WDPCP: variants seen among roughly 807,000 people sequenced by gnomAD.
WDPCP encodes WD repeat-containing and planar cell polarity effector protein fritz homolog.
In WDPCP, 71 loss-of-function variants were observed where a neutral mutation model predicts 93.1. That is an observed-to-expected ratio of 0.76 (90% CI 0.63 to 0.93). WDPCP has a LOEUF of 0.93. Among genes scored for constraint, WDPCP ranks in the 40% least tolerant of loss-of-function variants. WDPCP has a pLI of 0.00. For synonymous variants in WDPCP, 315 were observed against 315.0 expected (o/e 1.00, Z 0.00); for missense variants, 844 against 887.4 (o/e 0.95, Z 0.62).
chr2:63,601,064 A>G (rs1019282886), intron 3 of WDPCP, among the ~76,000 whole-genome samples: 4 of 152,232 alleles, frequency 2.6e-5, no homozygotes, highest in African/African-American at 9.6e-5. Flanking sequence ...TCAAGTCTGA[A>G]TGAGCAAAGA....
intron 2 of WDPCP, among the ~76,000 whole-genome samples, chr2:63,700,450 GGTGA>G (rs986275267): frequency 6.6e-6 from 1 of 152,086 alleles, no homozygotes; most frequent in Non-Finnish European, 1.5e-5. Context: ...GCACAGACAT[GGTGA>G]GTGAGAGAGG....
chr2:63,670,215 G>C (rs911707833), intron 2 of WDPCP, among the ~76,000 whole-genome samples: 1 of 152,142 alleles, frequency 6.6e-6, no homozygotes, highest in African/African-American at 2.4e-5. Flanking sequence ...CTTCCAGAGA[G>C]CTCTTTCAAG....
chr2:63,652,850 T>A (rs1869700), intron 2 of WDPCP, among the ~76,000 whole-genome samples: 47,023 of 151,938 alleles, frequency 0.31, 8,094 homozygotes, highest in East Asian at 0.72. Flanking sequence ...ATGGATGCAA[T>A]CCCAGATAAG....
At chr2:63,448,437 AACAC>A (rs35247066) in intron 6 of WDPCP, among the ~76,000 whole-genome samples, 115,324 of 148,660 alleles carry the variant, frequency 0.78, 44,930 homozygotes, top group East Asian at 0.95. Flanking sequence ...AAAATACATC[AACAC>A]ACACACACAC....
At chr2:63,292,563 G>A (rs1349951020) in intron 13 of WDPCP, among the ~76,000 whole-genome samples, 1 of 152,124 alleles carries the variant, frequency 6.6e-6, no homozygotes, top group African/African-American at 2.4e-5. Context: ...TCACAGCAGT[G>A]GCTTTTTGCT....
At chr2:63,663,208 T>C (rs1489973263) in intron 2 of WDPCP, among the ~76,000 whole-genome samples, 3 of 152,220 alleles carry the variant, frequency 2.0e-5, no homozygotes, top group Non-Finnish European at 4.4e-5. Context: ...AATTGGTAGC[T>C]TCCCTGTACC....
At chr2:63,574,961 T>C (rs1401118928) in intron 1 of WDPCP, among the ~76,000 whole-genome samples, 2 of 152,206 alleles carry the variant, frequency 1.3e-5, no homozygotes, top group African/African-American at 2.4e-5. Flanking sequence ...TTGAGTTAAA[T>C]ATAATCTTTG....
intron 1 of WDPCP, among the ~76,000 whole-genome samples, chr2:63,533,740 GC>G (rs1240038598): frequency 1.3e-5 from 2 of 152,100 alleles, no homozygotes; most frequent in African/African-American, 4.8e-5. Flanking sequence ...AGCACTAAAT[GC>G]CCACAAGAGA....
chr2:63,782,681 G>A (rs1172567218), intron 2 of WDPCP, among the ~76,000 whole-genome samples: 1 of 151,896 alleles, frequency 6.6e-6, no homozygotes, highest in African/African-American at 2.4e-5. Context: ...AATAATGAAT[G>A]TTGGCAAAGG....
intron 17 of WDPCP, among the ~76,000 whole-genome samples, chr2:63,148,567 T>C (rs1405923566): frequency 1.3e-5 from 2 of 152,060 alleles, no homozygotes; most frequent in Non-Finnish European, 2.9e-5. Flanking sequence ...TTCACCAGGC[T>C]GGTCTTGAAT....
chr2:63,258,664 T>C (rs1198652433), intron 14 of WDPCP, among the ~76,000 whole-genome samples: 1 of 152,190 alleles, frequency 6.6e-6, no homozygotes, highest in African/African-American at 2.4e-5. Context: ...GAAAAGGAAT[T>C]GGATTTGTAA....
upstream of WDPCP, chr2:63,589,004 C>G: frequency 6.2e-7 from 1 of 1,614,194 alleles, no homozygotes; most frequent in Non-Finnish European, 8.5e-7. Context: ...CTCTGAGGCT[C>G]ATTTTGCAGT....
rs543252554 is a variant in WDPCP, at chr2:63,599,238, C to T, written n.488+51421G>A. 1.9e-5 allele frequency: 31 copies of T among 1,613,714 alleles called. No individual in the cohort carries two copies. In the South Asian group the frequency reaches 3.2e-4, roughly 17 times the overall value. On this transcript the variant is annotated intron_variant and non_coding_transcript_variant, in intron 3 of 4. Transcript: ENST00000467687. ...CTTCCAAGTCAGCTCCATCCATCCC[C>T]AAGGAGAACTTCAGTTGCTTGACTC... is the stretch of plus-strand genomic sequence containing the variant.
At chr2:63,348,098 A>G (rs763404209) in intron 12 of WDPCP, among the ~76,000 whole-genome samples, 12 of 152,200 alleles carry the variant, frequency 7.9e-5, no homozygotes, top group Non-Finnish European at 1.6e-4. Context: ...TCACTTACAA[A>G]GTACTTAATA....
intron 13 of WDPCP, among the ~76,000 whole-genome samples, chr2:63,262,735 G>A (rs1681755736): frequency 6.6e-6 from 1 of 151,912 alleles, no homozygotes; most frequent in South Asian, 2.1e-4. Context: ...TTTCTCCCCT[G>A]TATTTTAAAA....
chr2:63,602,934 C>CTTTTTTTTTTTTTTTTTTTTTTTTTT (rs370479356), intron 3 of WDPCP, among the ~76,000 whole-genome samples: 2 of 131,536 alleles, frequency 1.5e-5, no homozygotes, highest in African/African-American at 2.7e-5. Context: ...TTTAACCGTT[C>CTTTTTTTTTTTTTTTTTTTTTTTTTT]TTTTTTTTTT....
chr2:63,438,147 A>T, intron 7 of WDPCP: 1 of 515,226 alleles, frequency 1.9e-6, no homozygotes, highest in Non-Finnish European at 2.8e-6. Context: ...AAAGCACACA[A>T]GTAGGTAAAT....
At chr2:63,556,236 G>A (rs1412684131) in intron 1 of WDPCP, among the ~76,000 whole-genome samples, 2 of 152,098 alleles carry the variant, frequency 1.3e-5, no homozygotes, top group Non-Finnish European at 2.9e-5. Context: ...ACCAAGTGAA[G>A]GAAAGAATTT....
Position 63,404,312 on chromosome 2 carries a change from T to C in WDPCP, c.1171A>G (p.Ile391Val). Residue 391 changes from isoleucine to valine, a missense_variant, in exon 10 of 18, where the codon ATT becomes GTT. Coordinates refer to ENST00000272321, the MANE Select transcript of WDPCP (RefSeq NM_015910.7). ...CCTTGGTTGCTGCCAACTAGCAGAATGGCACCACTTGGGTGGCAGCTTATT... is the reference window on the plus strand; with the variant it reads ...CCTTGGTTGCTGCCAACTAGCAGAACGGCACCACTTGGGTGGCAGCTTATT... ...SLISCHPSGA[I>V]LLVGSNQGEL... 6.2e-7 allele frequency: 1 copy of C among 1,614,176 alleles called. No homozygotes were observed. Among genetic ancestry groups the C allele is most frequent in the Non-Finnish European group, 8.5e-7 (1 of 1,180,024 alleles).
Sources: allele counts gnomAD v4.1 joint callset (sites outside exome capture counted in the v4.1 genomes callset), GRCh38; gene constraint gnomAD v4.1.1; transcripts MANE v1.5; gene names NCBI Gene and HGNC (gene_info 2026-07-23, HGNC 2026-07-21).